ZNF385D: variants seen among roughly 807,000 people sequenced by gnomAD.
The protein encoded by ZNF385D is zinc finger protein 659.
A neutral mutation model predicts 35.8 loss-of-function variants in ZNF385D; 15 were observed. The observed-to-expected ratio is 0.42, with a 90% CI of 0.28 to 0.64. The LOEUF (loss-of-function observed/expected upper bound fraction) is 0.64. ZNF385D is among the 30% of genes least tolerant of loss of function. ZNF385D has a pLI of 0.23. For missense variants in ZNF385D, 474 were observed against 494.6 expected (o/e 0.96, Z 0.39); for synonymous variants, 212 against 186.8 (o/e 1.13, Z -1.10).
intron 3 of ZNF385D, among the ~76,000 whole-genome samples, chr3:22,122,820 C>A (rs963738780): frequency 9.9e-5 from 15 of 152,162 alleles, no homozygotes; most frequent in Admixed American, 5.9e-4. Flanking sequence ...TAAACAGAGG[C>A]AACATCAAAT....
At chr3:21,883,269 ATAAACT>A (rs1575833085) in intron 3 of ZNF385D, among the ~76,000 whole-genome samples, 1 of 151,914 alleles carries the variant, frequency 6.6e-6, no homozygotes, top group African/African-American at 2.4e-5. Flanking sequence ...AAATTGACTT[ATAAACT>A]TAAAGATTTA....
At chr3:21,636,944 ATTGTT>A (rs950411577) in intron 2 of ZNF385D, among the ~76,000 whole-genome samples, 9 of 151,452 alleles carry the variant, frequency 5.9e-5, no homozygotes, top group African/African-American at 2.2e-4. Flanking sequence ...TTTTGGTGGA[ATTGTT>A]TTTTTTGTTG....
At chr3:21,582,441 C>T (rs1470826287) in intron 2 of ZNF385D, among the ~76,000 whole-genome samples, 1 of 152,162 alleles carries the variant, frequency 6.6e-6, no homozygotes, top group Non-Finnish European at 1.5e-5. Context: ...ATTGCTAAAG[C>T]ACTAGTTCTC....
intron 1 of ZNF385D, among the ~76,000 whole-genome samples, chr3:21,719,739 T>TCA (rs1224930928): frequency 1.3e-5 from 2 of 152,176 alleles, no homozygotes; most frequent in African/African-American, 4.8e-5. Context: ...TGGAACTCTC[T>TCA]CTCTCAGAGT....
chr3:21,533,454 GT>G (rs2061970174), intron 3 of ZNF385D, among the ~76,000 whole-genome samples: 1 of 152,054 alleles, frequency 6.6e-6, no homozygotes, highest in East Asian at 1.9e-4. Flanking sequence ...CTCTAGCAAT[GT>G]TCCATTAATC....
At chr3:21,997,944 A>G (rs1309323930) in intron 3 of ZNF385D, among the ~76,000 whole-genome samples, 1 of 151,728 alleles carries the variant, frequency 6.6e-6, no homozygotes, top group Non-Finnish European at 1.5e-5. Context: ...GGAGAAATTG[A>G]GATAGAAGAT....
intron 4 of ZNF385D, among the ~76,000 whole-genome samples, chr3:21,451,305 T>C (rs1186395248): frequency 3.9e-5 from 6 of 152,108 alleles, no homozygotes; most frequent in African/African-American, 1.4e-4. Flanking sequence ...TGATGATTTA[T>C]AAATTCTGAT....
At chr3:21,842,053 T>C (rs1260862967) in intron 3 of ZNF385D, among the ~76,000 whole-genome samples, 4 of 151,928 alleles carry the variant, frequency 2.6e-5, no homozygotes, top group African/African-American at 9.7e-5. Flanking sequence ...ATAATTTTTA[T>C]CATTTCTAAA....
At chr3:22,234,075 TA>T (rs1326786728) in intron 2 of ZNF385D, among the ~76,000 whole-genome samples, 2 of 152,270 alleles carry the variant, frequency 1.3e-5, no homozygotes, top group South Asian at 2.1e-4. Context: ...TCATTCTAAT[TA>T]AAAATTTCAA....
chr3:21,804,252 A>C (rs528934752), intron 3 of ZNF385D, among the ~76,000 whole-genome samples: 3 of 152,298 alleles, frequency 2.0e-5, no homozygotes, highest in African/African-American at 7.2e-5. Context: ...CTTTTTGTTC[A>C]CAATTATTGC....
intron 2 of ZNF385D, among the ~76,000 whole-genome samples, chr3:22,300,085 G>A (rs745482623): frequency 6.6e-6 from 1 of 151,890 alleles, no homozygotes; most frequent in Non-Finnish European, 1.5e-5. Context: ...AATCAAAACA[G>A]CATGGTACTG....
At chr3:21,926,139 AT>A (rs35636661) in intron 3 of ZNF385D, among the ~76,000 whole-genome samples, 34,291 of 148,318 alleles carry the variant, frequency 0.23, 4,244 homozygotes, top group East Asian at 0.33. Context: ...GCCCTCTCCA[AT>A]TTTTTTTTTT....
intron 2 of ZNF385D, among the ~76,000 whole-genome samples, chr3:22,224,602 T>C (rs557077193): frequency 1.3e-5 from 2 of 152,190 alleles, no homozygotes; most frequent in Non-Finnish European, 2.9e-5. Flanking sequence ...GATACAGTGA[T>C]GTACAAGCTG....
intron 3 of ZNF385D, among the ~76,000 whole-genome samples, chr3:22,090,214 G>A (rs1363180807): frequency 6.6e-6 from 1 of 152,136 alleles, no homozygotes; most frequent in East Asian, 1.9e-4. Context: ...ATGGTCCCAG[G>A]AGATAGACCT....
chr3:21,638,128 C>A (rs894876635), intron 2 of ZNF385D, among the ~76,000 whole-genome samples: 2 of 151,962 alleles, frequency 1.3e-5, no homozygotes, highest in African/African-American at 2.4e-5. Flanking sequence ...AACATACCAA[C>A]AAATATGAAC....
At chr3:22,303,323 T>G (rs1369162808) in intron 2 of ZNF385D, among the ~76,000 whole-genome samples, 1 of 152,098 alleles carries the variant, frequency 6.6e-6, no homozygotes, top group African/African-American at 2.4e-5. Context: ...GGGTCTTGTC[T>G]CCTGCCACTA....
chr3:21,451,893 G>T (rs1702481671), intron 4 of ZNF385D, among the ~76,000 whole-genome samples: 1 of 152,002 alleles, frequency 6.6e-6, no homozygotes, highest in Admixed American at 6.6e-5. Context: ...ATTGTTTAAG[G>T]TTTATTTTTG....
In ZNF385D at chr3:22,342,010, T is replaced by C. The variant is rs531675156; in HGVS notation, c.106+30440A>G. Reference sequence around the variant, plus strand: ...ACTGAATGAGGCCGGGCGCGGTGGCTCACGTCTGTAATCCCAGCACTTTGG... The same window carrying C: ...ACTGAATGAGGCCGGGCGCGGTGGCCCACGTCTGTAATCCCAGCACTTTGG... On this transcript the variant is annotated intron_variant, in intron 2 of 5. Coordinates refer to the ZNF385D transcript ENST00000494108. Among the ~76,000 whole-genome samples, 457 of 152,126 alleles carry C rather than the reference T, an allele frequency of 3.0e-3. 4 individuals are homozygous for C. The highest frequency in any genetic ancestry group is 9.3e-3 in the African/African-American group (384 of 41,498).
At chr3:22,121,293 G>T (rs1447070419) in intron 3 of ZNF385D, among the ~76,000 whole-genome samples, 4 of 152,128 alleles carry the variant, frequency 2.6e-5, no homozygotes, top group Admixed American at 2.6e-4. Context: ...AGCGCTTACA[G>T]CAGGGAGAGA....
Sources: allele counts gnomAD v4.1 joint callset (sites outside exome capture counted in the v4.1 genomes callset), GRCh38; gene constraint gnomAD v4.1.1; transcripts MANE v1.5; gene names NCBI Gene and HGNC (gene_info 2026-07-23, HGNC 2026-07-21).